The following ELMO1 variants were observed in gnomAD, a reference collection of about 807,000 sequenced individuals.
The protein encoded by ELMO1 is engulfment and cell motility 1.
Under a neutral mutation model 98.9 loss-of-function variants are expected in ELMO1, and 26 were observed. The ratio of observed to expected loss-of-function variants is 0.26; its 90% confidence interval spans 0.19 to 0.36. The LOEUF is 0.36. Ranked by LOEUF, ELMO1 falls within the 10% of genes least tolerant of loss-of-function variation. The pLI, the probability that ELMO1 is intolerant of heterozygous loss-of-function variation, is 1.00. For missense variants in ELMO1, 627 were observed against 935.2 expected (o/e 0.67, Z 4.30); for synonymous variants, 346 against 346.0 (o/e 1.00, Z 0.00).
intron 1 of ELMO1, among the ~76,000 whole-genome samples, chr7:37,414,830 G>A (rs1040988294): frequency 1.3e-5 from 2 of 152,006 alleles, no homozygotes; most frequent in South Asian, 4.1e-4. Context: ...ACCTTTCCCT[G>A]TGGGAATAAA....
intron 15 of ELMO1, among the ~76,000 whole-genome samples, chr7:37,065,146 T>C (rs1796887207): frequency 6.6e-6 from 1 of 151,592 alleles, no homozygotes; most frequent in Admixed American, 6.6e-5. Flanking sequence ...CAAACAGCTA[T>C]TGCCCTATCT....
intron 21 of ELMO1, among the ~76,000 whole-genome samples, chr7:36,857,445 T>C (rs73689649): frequency 3.3e-5 from 5 of 152,254 alleles, no homozygotes; most frequent in African/African-American, 9.6e-5. Flanking sequence ...CCAGCTTTCA[T>C]GCTGTTTCAT....
chr7:37,106,620 T>C (rs1305123775), intron 14 of ELMO1, among the ~76,000 whole-genome samples: 1 of 149,248 alleles, frequency 6.7e-6, no homozygotes, highest in Admixed American at 6.6e-5. Context: ...ACTACAGGTG[T>C]TGAAATGGCT....
chr7:37,068,674 T>G (rs1247425417), intron 15 of ELMO1, among the ~76,000 whole-genome samples: 1 of 152,194 alleles, frequency 6.6e-6, no homozygotes, highest in African/African-American at 2.4e-5. Context: ...TACAGTTGGT[T>G]CATTACCCAA....
chr7:37,405,648 GTC>G (rs1323118544), intron 1 of ELMO1, among the ~76,000 whole-genome samples: 3 of 152,194 alleles, frequency 2.0e-5, no homozygotes, highest in Non-Finnish European at 4.4e-5. Flanking sequence ...GACTCAAGGC[GTC>G]GGGCTTGTTA....
chr7:37,126,217 G>A (rs563401818), intron 14 of ELMO1, among the ~76,000 whole-genome samples: 5 of 149,944 alleles, frequency 3.3e-5, no homozygotes, highest in East Asian at 3.9e-4. Context: ...TAATGGGTGC[G>A]GCACACCAAC....
chr7:37,408,889 A>G (rs1005194681), intron 1 of ELMO1, among the ~76,000 whole-genome samples: 9 of 152,218 alleles, frequency 5.9e-5, no homozygotes, highest in Admixed American at 5.9e-4. Flanking sequence ...TCAAATGGTG[A>G]AGTTGTAAAT....
intron 16 of ELMO1, among the ~76,000 whole-genome samples, chr7:36,945,226 A>C (rs1787375882): frequency 6.6e-6 from 1 of 152,198 alleles, no homozygotes; most frequent in South Asian, 2.1e-4. Context: ...CCTTTGTAGG[A>C]TATAAAATAA....
intron 16 of ELMO1, among the ~76,000 whole-genome samples, chr7:36,915,231 C>T (rs577581956): frequency 6.6e-6 from 1 of 152,290 alleles, no homozygotes; most frequent in South Asian, 2.1e-4. Context: ...GTGCCTGGTG[C>T]TAACAAAGTG....
At chr7:37,040,147 A>C (rs566433300) in intron 15 of ELMO1, among the ~76,000 whole-genome samples, 5,370 of 128,084 alleles carry the variant, frequency 0.042, 163 homozygotes, top group African/African-American at 0.11. Context: ...ACTTAATTCA[A>C]ATTTAAATAG....
chr7:36,973,709 G>A (rs957957664), intron 16 of ELMO1, among the ~76,000 whole-genome samples: 1 of 152,236 alleles, frequency 6.6e-6, no homozygotes, highest in Non-Finnish European at 1.5e-5. Context: ...GGCCAAGGCC[G>A]GAGACAGCTC....
At chr7:37,252,307 C>T (rs1317053374) in intron 6 of ELMO1, among the ~76,000 whole-genome samples, 1 of 152,172 alleles carries the variant, frequency 6.6e-6, no homozygotes, top group African/African-American at 2.4e-5. Flanking sequence ...AAGCTGGAGG[C>T]ATCACGCTAC....
chr7:37,156,073 T>A (rs2129324126), intron 13 of ELMO1, among the ~76,000 whole-genome samples: 1 of 152,286 alleles, frequency 6.6e-6, no homozygotes, highest in South Asian at 2.1e-4. Flanking sequence ...CCTGAATGAC[T>A]ACTAGGTACA....
intron 13 of ELMO1, among the ~76,000 whole-genome samples, chr7:37,179,551 ACAG>A (rs1325249743): frequency 6.6e-6 from 1 of 152,176 alleles, no homozygotes; most frequent in African/African-American, 2.4e-5. Flanking sequence ...TGCTGGGATT[ACAG>A]GCGTGAGCCA....
At chr7:37,116,414 TG>T (rs1248028266) in intron 14 of ELMO1, among the ~76,000 whole-genome samples, 1 of 152,074 alleles carries the variant, frequency 6.6e-6, no homozygotes, top group Non-Finnish European at 1.5e-5. Context: ...TTTGGAGAAC[TG>T]GGTTGGAGAA....
intron 13 of ELMO1, among the ~76,000 whole-genome samples, chr7:37,203,242 C>G (rs1792401088): frequency 6.6e-6 from 1 of 152,182 alleles, no homozygotes; most frequent in African/African-American, 2.4e-5. Flanking sequence ...CTTACTGACA[C>G]ATTCTCGAAA....
chr7:37,118,020 C>A (rs1176896630), intron 14 of ELMO1, among the ~76,000 whole-genome samples: 1 of 152,194 alleles, frequency 6.6e-6, no homozygotes, highest in African/African-American at 2.4e-5. Flanking sequence ...TCTGTCAGCA[C>A]AATGGGAACA....
chr7:37,241,961 TTTCCTAC>T (rs1238644650), intron 7 of ELMO1, among the ~76,000 whole-genome samples: 11 of 152,206 alleles, frequency 7.2e-5, no homozygotes, highest in Admixed American at 2.0e-4. Context: ...TTCTTCATAT[TTTCCTAC>T]AGATCTGAGT....
intron 3 of ELMO1, 83 bp from the exon 4 acceptor site, chr7:37,315,005 A>C: frequency 1.6e-6 from 2 of 1,246,014 alleles, no homozygotes; most frequent in Non-Finnish European, 2.3e-6. Flanking sequence ...GGATGAACTA[A>C]GCACCCTGTG....
Sources: gnomAD v4.1 joint callset for allele counts (sites outside exome capture counted in the v4.1 genomes callset) on GRCh38, gnomAD v4.1.1 for gene constraint, MANE v1.5 for transcripts, NCBI Gene and HGNC (gene_info 2026-07-23, HGNC 2026-07-21) for gene names.